PCSK5: variants seen among roughly 807,000 people sequenced by gnomAD.
The protein encoded by PCSK5 is proprotein convertase subtilisin/kexin type 5, also known as prohormone convertase 5.
A neutral mutation model predicts 233.2 loss-of-function variants in PCSK5; 129 were observed. The observed-to-expected ratio is 0.55, with a 90% CI of 0.48 to 0.64. The LOEUF (loss-of-function observed/expected upper bound fraction) is 0.64. Ranked by LOEUF, PCSK5 falls within the 30% of genes least tolerant of loss-of-function variation. The probability of loss-of-function intolerance (pLI) is 0.00; values close to 1 mark genes in which losing one functional copy is unlikely to be tolerated. For synonymous variants in PCSK5, 825 were observed against 879.2 expected (o/e 0.94, Z 1.09); for missense variants, 2,076 against 2,430.1 (o/e 0.85, Z 3.06).
At chr9:75,904,125 G>C (rs1289449215) in intron 1 of PCSK5, among the ~76,000 whole-genome samples, 3 of 152,030 alleles carry the variant, frequency 2.0e-5, no homozygotes, top group Non-Finnish European at 2.9e-5. Context: ...CTCATCACGG[G>C]ATGATGTCAT....
chr9:76,303,930 G>A (rs1564168932), intron 28 of PCSK5, among the ~76,000 whole-genome samples: 1 of 152,324 alleles, frequency 6.6e-6, no homozygotes, highest in Middle Eastern at 3.4e-3. Context: ...CCAGCGCTTT[G>A]GGAGACCAAG....
chr9:76,140,308 A>C (rs1293810827), intron 10 of PCSK5, among the ~76,000 whole-genome samples: 1 of 152,116 alleles, frequency 6.6e-6, no homozygotes, highest in Non-Finnish European at 1.5e-5. Flanking sequence ...AAATTCTAGA[A>C]GAAAGTCTAT....
Position 76,184,662 on chromosome 9 carries a change from T to G in PCSK5, c.2198-11T>G. 1 of 1,588,372 alleles carries G rather than the reference T, an allele frequency of 6.3e-7. No individual in the cohort carries two copies. The highest frequency in any genetic ancestry group is 8.6e-7 in the Non-Finnish European group (1 of 1,159,192). On this transcript the variant is annotated splice_polypyrimidine_tract_variant and intron_variant, in intron 16 of 37. Transcript: ENST00000674117. ...ACCAACTGATTTACAACTTTCTCTT[T>G]TTTTTAACAGAGAAAAATCTTTGCC...
At chr9:75,985,617 C>A (rs1196703791) in intron 2 of PCSK5, among the ~76,000 whole-genome samples, 1 of 152,068 alleles carries the variant, frequency 6.6e-6, no homozygotes, top group African/African-American at 2.4e-5. Flanking sequence ...GAACAAAATC[C>A]AGCCTGGTTT....
intron 34 of PCSK5, among the ~76,000 whole-genome samples, chr9:76,332,932 C>T (rs553168037): frequency 3.3e-4 from 51 of 152,312 alleles, no homozygotes; most frequent in African/African-American, 1.1e-3. Context: ...ATCCCAACTA[C>T]GTGGGAGGTT....
intron 24 of PCSK5, among the ~76,000 whole-genome samples, chr9:76,280,519 A>G (rs1428879939): frequency 1.3e-5 from 2 of 152,138 alleles, no homozygotes; most frequent in Non-Finnish European, 2.9e-5. Context: ...AGGCAGGAGG[A>G]TCGCTTGAGC....
intron 13 of PCSK5, among the ~76,000 whole-genome samples, chr9:76,170,385 A>C (rs1408197909): frequency 6.6e-6 from 1 of 152,244 alleles, no homozygotes; most frequent in Non-Finnish European, 1.5e-5. Context: ...AACAGAAATT[A>C]TGATGTTAAC....
At chr9:76,281,966 GAC>G in intron 24 of PCSK5, among the ~76,000 whole-genome samples, 1 of 152,024 alleles carries the variant, frequency 6.6e-6, no homozygotes, top group Admixed American at 6.6e-5. Context: ...TACTGAGAAA[GAC>G]ACTGTGTATG....
Position 75,952,950 on chromosome 9 carries a change from C to T in PCSK5, c.297+20467C>T, listed in dbSNP as rs543567319. On this transcript the variant is annotated intron_variant, in intron 2 of 37. Coordinates refer to ENST00000674117, the MANE Select transcript of PCSK5 (RefSeq NM_001372043.1). ...TATTACCATATATAAGATAAATGCA[C>T]AGTCAGGAGTTTCCAGGGGTATGAA... Among the ~76,000 whole-genome samples the T allele has an allele frequency of 6.8e-4, 104 of 152,248 alleles. No homozygotes were observed. In the Middle Eastern group the frequency reaches 0.01, roughly 15 times the overall value.
At chr9:75,930,602 G>A (rs1211806023) in intron 1 of PCSK5, among the ~76,000 whole-genome samples, 1 of 152,156 alleles carries the variant, frequency 6.6e-6, no homozygotes. Flanking sequence ...TTAGGCAGGG[G>A]TAGGCCATAG....
At position 76,359,227 on chromosome 9, in the gene PCSK5, C is replaced by G. The variant is rs892550230; in HGVS notation, c.*305C>G. ...GAAGTGAAAACAAATGAGATTTGTA[C>G]AAACTCTTCTATGTGATTTTAAAAA... On this transcript the variant is annotated 3_prime_UTR_variant, in exon 38 of 38. Coordinates refer to ENST00000674117, the MANE Select transcript of PCSK5 (RefSeq NM_001372043.1). The G allele has an allele frequency of 1.5e-5, 5 of 336,474 alleles. No homozygotes were observed. Among genetic ancestry groups the G allele is most frequent in the Non-Finnish European group, 2.8e-5 (5 of 181,260 alleles). 20.8% of individuals were successfully genotyped at this position (336,474 alleles called of 1,614,324 possible).
At chr9:75,927,039 T>C (rs1179934450) in intron 1 of PCSK5, among the ~76,000 whole-genome samples, 2 of 152,180 alleles carry the variant, frequency 1.3e-5, no homozygotes, top group Admixed American at 1.3e-4. Flanking sequence ...AATGGCCAAA[T>C]GGTTTTCCAA....
intron 12 of PCSK5, among the ~76,000 whole-genome samples, chr9:76,159,877 C>T (rs1275253891): frequency 5.3e-5 from 7 of 132,632 alleles, no homozygotes; most frequent in African/African-American, 1.7e-4. Flanking sequence ...GGCTGGAGTG[C>T]GGTGGTGTGA....
intron 12 of PCSK5, 83 bp from the exon 13 acceptor site, chr9:76,169,621 A>C: frequency 1.4e-6 from 2 of 1,408,226 alleles, no homozygotes; most frequent in Non-Finnish European, 2.0e-6. Flanking sequence ...TAATGGATAC[A>C]AAAAACAGTG....
intron 33 of PCSK5, among the ~76,000 whole-genome samples, chr9:76,331,168 A>T (rs1267568575): frequency 6.6e-6 from 1 of 152,100 alleles, no homozygotes; most frequent in African/African-American, 2.4e-5. Flanking sequence ...GCTATTTATA[A>T]ATTAGATACT....
chr9:76,192,067 C>A (rs1428410000), intron 20 of PCSK5, among the ~76,000 whole-genome samples: 82 of 101,182 alleles, frequency 8.1e-4, no homozygotes, highest in South Asian at 2.9e-3. Flanking sequence ...AAGACTGTCT[C>A]AAAAAAAAAA....
At chr9:76,105,755 A>G (rs1368220595) in intron 8 of PCSK5, among the ~76,000 whole-genome samples, 4 of 152,200 alleles carry the variant, frequency 2.6e-5, no homozygotes, top group Admixed American at 6.5e-5. Context: ...ATGTAGTTCT[A>G]TAGATCTTTG....
intron 35 of PCSK5, among the ~76,000 whole-genome samples, chr9:76,349,054 C>T (rs1830049063): frequency 6.6e-6 from 1 of 151,660 alleles, no homozygotes; most frequent in Non-Finnish European, 1.5e-5. Flanking sequence ...GGAGGATCAC[C>T]AGGTGATGAG....
At chr9:75,970,188 T>C (rs1243262447) in intron 2 of PCSK5, among the ~76,000 whole-genome samples, 1 of 152,190 alleles carries the variant, frequency 6.6e-6, no homozygotes, top group Admixed American at 6.5e-5. Context: ...AACCCAATTC[T>C]TAATCAGTAA....
Sources: gnomAD v4.1 joint callset for allele counts (sites outside exome capture counted in the v4.1 genomes callset) on GRCh38, gnomAD v4.1.1 for gene constraint, MANE v1.5 for transcripts, NCBI Gene and HGNC (gene_info 2026-07-23, HGNC 2026-07-21) for gene names.